Variants in MAGI2 observed in about 807,000 individuals in gnomAD.
MAGI2 encodes the protein membrane-associated guanylate kinase, WW and PDZ domain-containing protein 2.
Under a neutral mutation model 133.3 loss-of-function variants are expected in MAGI2, and 35 were observed. That is an observed-to-expected ratio of 0.26 (90% CI 0.20 to 0.35). The LOEUF is 0.35. Among genes scored for constraint, MAGI2 ranks in the 10% least tolerant of loss-of-function variants. The probability of loss-of-function intolerance (pLI) is 1.00; values close to 1 mark genes in which losing one functional copy is unlikely to be tolerated. For synonymous variants in MAGI2, 729 were observed against 710.6 expected, an observed-to-expected ratio of 1.03 and a Z score of -0.41; for missense variants, 1,636 against 1,863.4, an observed-to-expected ratio of 0.88 and a Z score of 2.25.
chr7:78,722,646 T>C (rs1820377234), intron 2 of MAGI2, among the ~76,000 whole-genome samples: 1 of 152,080 alleles, frequency 6.6e-6, no homozygotes, highest in Non-Finnish European at 1.5e-5. Context: ...TCAGTCTCAG[T>C]GTGATATATC....
chr7:78,151,060 A>ATTTATATTTATC (rs1211632774), intron 16 of MAGI2, among the ~76,000 whole-genome samples: 2 of 98,160 alleles, frequency 2.0e-5, no homozygotes, highest in East Asian at 4.0e-4. Context: ...TTATATTTAT[A>ATTTATATTTATC]TTTATATTTA....
chr7:78,100,195 A>T (rs1262724032), intron 20 of MAGI2, among the ~76,000 whole-genome samples: 1 of 152,144 alleles, frequency 6.6e-6, no homozygotes, highest in Non-Finnish European at 1.5e-5. Flanking sequence ...CTCCTCTCAG[A>T]GTGTCCAATA....
At chr7:78,115,334 T>C (rs1262691132) in intron 20 of MAGI2, among the ~76,000 whole-genome samples, 2 of 151,874 alleles carry the variant, frequency 1.3e-5, no homozygotes, top group African/African-American at 4.8e-5. Flanking sequence ...TAAGTGAAAC[T>C]AATAGGAAAA....
At chr7:78,781,221 T>C (rs550370037) in intron 2 of MAGI2, among the ~76,000 whole-genome samples, 1 of 151,058 alleles carries the variant, frequency 6.6e-6, no homozygotes, top group South Asian at 2.1e-4. Flanking sequence ...TACTAAAAAA[T>C]ACAAAAAATT....
intron 21 of MAGI2, among the ~76,000 whole-genome samples, chr7:78,032,075 A>T (rs1331300904): frequency 6.7e-6 from 1 of 148,280 alleles, no homozygotes; most frequent in Non-Finnish European, 1.5e-5. Context: ...GTGAAAATAG[A>T]GCCCCTGTGC....
intron 2 of MAGI2, among the ~76,000 whole-genome samples, chr7:78,737,281 T>C (rs905163519): frequency 6.6e-6 from 1 of 152,172 alleles, no homozygotes; most frequent in Non-Finnish European, 1.5e-5. Context: ...ATTAGAAAGA[T>C]TGGCATAATT....
intron 3 of MAGI2, among the ~76,000 whole-genome samples, chr7:78,567,457 TCACA>T (rs1023214029): frequency 6.6e-6 from 1 of 151,932 alleles, no homozygotes; most frequent in Non-Finnish European, 1.5e-5. Context: ...TTTTTTTCTC[TCACA>T]CAGACAGAAA....
intron 6 of MAGI2, among the ~76,000 whole-genome samples, chr7:78,435,440 A>G (rs994610719): frequency 5.3e-5 from 8 of 152,130 alleles, no homozygotes; most frequent in African/African-American, 1.9e-4. Context: ...GCTTCTCACC[A>G]GTGGACAGCT....
chr7:78,222,651 T>C (rs1268308273), intron 10 of MAGI2, among the ~76,000 whole-genome samples: 1 of 152,200 alleles, frequency 6.6e-6, no homozygotes, highest in Non-Finnish European at 1.5e-5. Flanking sequence ...AATGGCCAAG[T>C]GTGAATCTAT....
intron 3 of MAGI2, among the ~76,000 whole-genome samples, chr7:78,581,129 TTAC>T (rs756769592): frequency 6.6e-6 from 1 of 152,150 alleles, no homozygotes; most frequent in African/African-American, 2.4e-5. Flanking sequence ...CAGTATTAGC[TTAC>T]AACACTTGGT....
intron 1 of MAGI2, among the ~76,000 whole-genome samples, chr7:79,042,087 T>C (rs1263290865): frequency 6.6e-6 from 1 of 152,088 alleles, no homozygotes; most frequent in African/African-American, 2.4e-5. Flanking sequence ...ATATTCACAA[T>C]ATACATATCT....
At chr7:78,096,232 T>C (rs1392256139) in intron 20 of MAGI2, among the ~76,000 whole-genome samples, 1 of 152,186 alleles carries the variant, frequency 6.6e-6, no homozygotes, top group Non-Finnish European at 1.5e-5. Context: ...CGGGCTTTGG[T>C]GGAATCAGGA....
chr7:79,405,311 C>G lies in MAGI2; in HGVS notation c.301+47709G>C, dbSNP rs114695714. The stretch of plus-strand genomic sequence containing the variant: ...AAGGAGGCCAAAGGGTTTAGCTGTT[C>G]AAAATGTTATCATTCATAAAGTAAA... On this transcript the variant is annotated intron_variant, in intron 1 of 21. Coordinates refer to ENST00000354212, the MANE Select transcript of MAGI2 (RefSeq NM_012301.4). Among the ~76,000 whole-genome samples, 735 of 152,212 alleles carry G rather than the reference C, an allele frequency of 4.8e-3. 7 individuals are homozygous for G. The highest frequency in any genetic ancestry group is 0.017 in the African/African-American group (710 of 41,532).
chr7:79,158,146 T>C (rs1480023121), intron 1 of MAGI2, among the ~76,000 whole-genome samples: 1 of 152,070 alleles, frequency 6.6e-6, no homozygotes, highest in African/African-American at 2.4e-5. Context: ...TTAGGGCTAT[T>C]TAGCTGACAA....
chr7:78,895,248 C>A (rs1190522403), intron 2 of MAGI2, among the ~76,000 whole-genome samples: 1 of 152,134 alleles, frequency 6.6e-6, no homozygotes, highest in East Asian at 1.9e-4. Context: ...CAGGACTCTG[C>A]AGATAGTATC....
chr7:79,441,087 T>C (rs2129196997), intron 1 of MAGI2, among the ~76,000 whole-genome samples: 1 of 152,356 alleles, frequency 6.6e-6, no homozygotes, highest in Non-Finnish European at 1.5e-5. Flanking sequence ...AACTAATAAC[T>C]GGTGAAGAGA....
At chr7:79,416,892 G>C (rs73381312) in intron 1 of MAGI2, among the ~76,000 whole-genome samples, 20,347 of 151,130 alleles carry the variant, frequency 0.13, 1,503 homozygotes, top group South Asian at 0.24. Context: ...CCGCCACCAT[G>C]CCTGAAAAAT....
At chr7:78,612,881 A>T (rs898906937) in intron 3 of MAGI2, among the ~76,000 whole-genome samples, 2 of 152,104 alleles carry the variant, frequency 1.3e-5, no homozygotes, top group East Asian at 1.9e-4. Context: ...TGTGTTAGCC[A>T]GGATGGTCTC....
intron 2 of MAGI2, among the ~76,000 whole-genome samples, chr7:78,894,664 A>C (rs1797063408): frequency 6.6e-6 from 1 of 152,204 alleles, no homozygotes; most frequent in Non-Finnish European, 1.5e-5. Flanking sequence ...GATTAAAAAT[A>C]GATTTTTGAA....
Sources: allele counts gnomAD v4.1 joint callset (sites outside exome capture counted in the v4.1 genomes callset), GRCh38; gene constraint gnomAD v4.1.1; transcripts MANE v1.5; gene names NCBI Gene and HGNC (gene_info 2026-07-23, HGNC 2026-07-21).